The following ASPH variants were observed in gnomAD, a reference collection of about 807,000 sequenced individuals.
ASPH encodes aspartate beta-hydroxylase, also known as aspartyl/asparaginyl beta-hydroxylase.
A neutral mutation model predicts 118.4 loss-of-function variants in ASPH; 100 were observed. That is an observed-to-expected ratio of 0.84 (90% CI 0.72 to 1.00). The LOEUF is 1.00. Among genes scored for constraint, ASPH ranks in the 50% least tolerant of loss-of-function variants. The pLI is 0.00. For synonymous variants in ASPH, 315 were observed against 325.6 expected (o/e 0.97, Z 0.35); for missense variants, 920 against 919.5 (o/e 1.00, Z -0.01).
At chr8:61,572,165 T>A (rs1048854702) in intron 16 of ASPH, among the ~76,000 whole-genome samples, 3 of 152,262 alleles carry the variant, frequency 2.0e-5, no homozygotes, top group Admixed American at 2.0e-4. Context: ...ACTTGTTTTA[T>A]CTACAGCTGA....
At chr8:61,517,340 G>C (rs1216024527) in intron 24 of ASPH, 188 bp downstream of exon 24, 2 of 759,042 alleles carry the variant, frequency 2.6e-6, no homozygotes, top group Non-Finnish European at 4.0e-6. Flanking sequence ...CCTAGAGCTG[G>C]GCAATGTCTC....
At chr8:61,550,167 T>TA (rs1223469227) in intron 20 of ASPH, among the ~76,000 whole-genome samples, 6 of 151,868 alleles carry the variant, frequency 4.0e-5, no homozygotes, top group South Asian at 4.2e-4. Flanking sequence ...GAGTGCTTTT[T>TA]AAAAAAAACC....
chr8:61,620,497 T>A (rs939408234), intron 13 of ASPH, among the ~76,000 whole-genome samples: 1 of 152,004 alleles, frequency 6.6e-6, no homozygotes, highest in Non-Finnish European at 1.5e-5. Context: ...TTTTTTTTTT[T>A]AAGGACATGT....
rs116410049 is a variant in ASPH at position 61,677,430 on chromosome 8, C to T, written c.322+3538G>A. ...CACTGAGCTTTTCTGGTTGGAACCA[C>T]GTAATTCAGTCATTTAAGGCTTTGG... On this transcript the variant is annotated intron_variant, in intron 3 of 24. Transcript: ENST00000379454. 8.7e-3 allele frequency among the ~76,000 whole-genome samples: 1,318 copies of T among 152,130 alleles called. 19 individuals carry two copies. Among genetic ancestry groups the T allele is most frequent in the African/African-American group, 0.028 (1,160 of 41,504 alleles).
chr8:61,646,957 G>A, intron 5 of ASPH, 79 bp from the exon 6 acceptor site: 3 of 1,577,562 alleles, frequency 1.9e-6, no homozygotes, highest in Non-Finnish European at 2.6e-6. Context: ...CCACACACCT[G>A]CTCCTGCTGC....
Position 61,643,986 on chromosome 8 carries a change from T to C in ASPH, c.668A>G (p.Asn223Ser). 1 of 1,610,416 alleles carries C rather than the reference T, an allele frequency of 6.2e-7. No homozygotes were observed. Among genetic ancestry groups the C allele is most frequent in the South Asian group, 1.1e-5 (1 of 90,812 alleles). ...AGACATCATCTCTTCCATATCCTGA[T>C]TACAGTCTTGTGAAACTATAAATTA... ...HVEETVSQDC[N>S]QDMEEMMSEQ... Residue 223 changes from asparagine (N) to serine (S), a missense_variant, in exon 8 of 25, where the codon AAT becomes AGT. Asn to Ser is a conservative substitution (Grantham distance 46, BLOSUM62 1). Coordinates refer to ENST00000379454, the MANE Select transcript of ASPH (RefSeq NM_004318.4).
rs192606791 is a variant in ASPH, at chr8:61,649,040, G to T, written c.490+2010C>A. 1.6e-3 allele frequency among the ~76,000 whole-genome samples: 246 copies of T among 152,282 alleles called. 1 individual carries two copies. Among genetic ancestry groups the T allele is most frequent in the African/African-American group, 5.3e-3 (222 of 41,554 alleles). The stretch of plus-strand genomic sequence containing the variant: ...AAAAGTCACTGAAGGGGAAAAAGAG[G>T]CTGGGATCAGACAAGGCACAACTGG... On this transcript the variant is annotated intron_variant, in intron 5 of 24. Coordinates refer to ENST00000379454, the MANE Select transcript of ASPH (RefSeq NM_004318.4).
At chr8:61,642,251 CAGCTAG>C (rs1805487144) in intron 10 of ASPH, among the ~76,000 whole-genome samples, 1 of 152,228 alleles carries the variant, frequency 6.6e-6, no homozygotes, top group South Asian at 2.1e-4. Context: ...CCTGTAGAAG[CAGCTAG>C]AGCAATTTAA....
intron 10 of ASPH, among the ~76,000 whole-genome samples, chr8:61,639,379 G>C (rs890447383): frequency 2.6e-5 from 4 of 151,950 alleles, no homozygotes; most frequent in African/African-American, 9.7e-5. Context: ...AAAGGCTCCT[G>C]CTGAGACCCC....
chr8:61,580,915 TC>T (rs1187257328), intron 15 of ASPH, among the ~76,000 whole-genome samples: 6 of 152,218 alleles, frequency 3.9e-5, no homozygotes, highest in African/African-American at 1.4e-4. Context: ...CAGACACATA[TC>T]TTTTGGGGGT....
At chr8:61,677,578 G>T (rs1037090132) in intron 3 of ASPH, among the ~76,000 whole-genome samples, 2 of 152,126 alleles carry the variant, frequency 1.3e-5, no homozygotes, top group Non-Finnish European at 2.9e-5. Flanking sequence ...TTACTCAAAA[G>T]AACTATATTA....
At chr8:61,653,792 T>A in intron 3 of ASPH, 132 bp from the exon 4 acceptor site, 1 of 920,018 alleles carries the variant, frequency 1.1e-6, no homozygotes, top group Non-Finnish European at 1.6e-6. Flanking sequence ...ATTGTATGCT[T>A]AAAAAGTGAG....
intron 16 of ASPH, among the ~76,000 whole-genome samples, chr8:61,574,217 T>G (rs1025900758): frequency 6.6e-6 from 1 of 152,128 alleles, no homozygotes; most frequent in African/African-American, 2.4e-5. Flanking sequence ...AGAGAAGATG[T>G]GGAAAAATAG....
In ASPH at chr8:61,562,876, A is replaced by G. The variant is rs999312454; in HGVS notation, c.1305T>C (p.His435=). Reference sequence around the variant, plus strand: ...GCAGGGTAAGCAGGGAACCTCTCATATGACCTGAGTAGGTGGGAATTTAAA... The same window carrying G: ...GCAGGGTAAGCAGGGAACCTCTCATGTGACCTGAGTAGGTGGGAATTTAAA... The part of the protein sequence containing the change: ...RRSDRQQFLG[H]MRGSLLTLQR... The change falls in exon 18 of 25, where the codon CAT becomes CAC. Residue 435 remains histidine, a synonymous_variant. Transcript: ENST00000379454. 1.9e-6 allele frequency: 3 copies of G among 1,595,562 alleles called. No individual in the cohort carries two copies. The highest frequency in any genetic ancestry group is 4.5e-5 in the East Asian group (2 of 44,220).
chr8:61,538,154 A>C (rs56007602), intron 21 of ASPH, among the ~76,000 whole-genome samples: 24,657 of 152,194 alleles, frequency 0.16, 2,355 homozygotes, highest in East Asian at 0.4. Context: ...CAACAAAAAA[A>C]CAGGCTCAGA....
chr8:61,675,669 T>A lies in ASPH; in HGVS notation c.322+5299A>T, dbSNP rs1181440107. ...AATCATGCCAGAAATATTTTTATAA[T>A]GAAATCCATTAGAATCATCATAATT... On this transcript the variant is annotated intron_variant, in intron 3 of 24. Transcript: ENST00000379454. The A allele has an allele frequency of 4.1e-6, 4 of 986,822 alleles. No individual in the cohort carries two copies. In the African/African-American group the frequency reaches 7.0e-5, roughly 17 times the overall value. 61.1% of individuals were successfully genotyped at this position (986,822 alleles called of 1,614,324 possible).
chr8:61,547,108 G>C (rs1259702071), intron 21 of ASPH, among the ~76,000 whole-genome samples: 2 of 152,170 alleles, frequency 1.3e-5, no homozygotes, highest in Non-Finnish European at 2.9e-5. Context: ...TTGGAACTAT[G>C]AGTTAATTAA....
At chr8:61,537,903 G>C (rs373242573) in intron 21 of ASPH, among the ~76,000 whole-genome samples, 1 of 152,016 alleles carries the variant, frequency 6.6e-6, no homozygotes, top group East Asian at 1.9e-4. Flanking sequence ...CTCTTTGTAT[G>C]AAATAACTCA....
intron 16 of ASPH, among the ~76,000 whole-genome samples, chr8:61,574,662 C>G (rs1029288501): frequency 1.3e-5 from 2 of 152,018 alleles, no homozygotes. Flanking sequence ...AACACATGGA[C>G]ACAGGGAGGG....
Sources: gnomAD v4.1 joint callset for allele counts (sites outside exome capture counted in the v4.1 genomes callset) on GRCh38, gnomAD v4.1.1 for gene constraint, MANE v1.5 for transcripts, NCBI Gene and HGNC (gene_info 2026-07-23, HGNC 2026-07-21) for gene names.